The following ARHGAP22 variants were observed in gnomAD, a reference collection of about 807,000 sequenced individuals.
ARHGAP22 encodes Rho GTPase activating protein 22.
ARHGAP22 carries 48 observed loss-of-function variants against 59.1 expected under a neutral mutation model. The observed-to-expected ratio is 0.81, with a 90% CI of 0.64 to 1.03. The LOEUF (loss-of-function observed/expected upper bound fraction) is 1.03, where lower values mean the gene tolerates loss of function less well. Among genes scored for constraint, ARHGAP22 ranks in the 50% least tolerant of loss-of-function variants. The probability of loss-of-function intolerance (pLI) is 0.00; values close to 1 mark genes in which losing one functional copy is unlikely to be tolerated. For synonymous variants in ARHGAP22, 445 were observed against 416.4 expected, an observed-to-expected ratio of 1.07 and a Z score of -0.84; for missense variants, 1,015 against 958.7, an observed-to-expected ratio of 1.06 and a Z score of -0.78.
At chr10:48,444,342 C>T (rs1165695126), downstream of ARHGAP22, 1 of 152,218 alleles carries the variant, frequency 6.6e-6, no homozygotes, top group Non-Finnish European at 1.5e-5. Context: ...GACAGGTCAG[C>T]CTCTGTCACT....
At chr10:48,567,413 C>T (rs2135450567) in intron 2 of ARHGAP22, among the ~76,000 whole-genome samples, 1 of 152,300 alleles carries the variant, frequency 6.6e-6, no homozygotes, top group Non-Finnish European at 1.5e-5. Context: ...CAGCCCAGGG[C>T]TGGGTGCTGA....
chr10:48,467,646 C>G (rs1264910579), intron 4 of ARHGAP22, among the ~76,000 whole-genome samples: 1 of 152,078 alleles, frequency 6.6e-6, no homozygotes, highest in African/African-American at 2.4e-5. Flanking sequence ...TGACTTCTTT[C>G]TTTATTGAAT....
downstream of ARHGAP22, chr10:48,445,627 C>T (rs1210827057): frequency 6.6e-6 from 1 of 152,404 alleles, no homozygotes; most frequent in Non-Finnish European, 1.5e-5. Flanking sequence ...ACAGACGTTT[C>T]CCATGGCCTT....
At chr10:48,537,443 C>T (rs2055472048) in intron 3 of ARHGAP22, among the ~76,000 whole-genome samples, 1 of 152,232 alleles carries the variant, frequency 6.6e-6, no homozygotes, top group Non-Finnish European at 1.5e-5. Context: ...CCCACATGCT[C>T]CAGCTCTGCC....
At chr10:48,629,211 T>C (rs1589238100) in intron 1 of ARHGAP22, among the ~76,000 whole-genome samples, 1 of 152,132 alleles carries the variant, frequency 6.6e-6, no homozygotes, top group South Asian at 2.1e-4. Context: ...AGAGGCCTGG[T>C]CTTCTTGCCC....
At chr10:48,474,670 A>C (rs2048544257) in intron 4 of ARHGAP22, among the ~76,000 whole-genome samples, 1 of 116,384 alleles carries the variant, frequency 8.6e-6, no homozygotes, top group Non-Finnish European at 1.8e-5. Context: ...TTTAATCATT[A>C]AAGGGTGCTG....
At chr10:48,489,730 CTTTTTTTTTTTT>C (rs377099863) in intron 3 of ARHGAP22, among the ~76,000 whole-genome samples, 14 of 119,590 alleles carry the variant, frequency 1.2e-4, no homozygotes, top group Admixed American at 6.9e-4. Flanking sequence ...GAGGCTGCCT[CTTTTTTTTTTTT>C]TTTTTTTTTG....
At chr10:48,521,785 ATG>A (rs1260114452) in intron 3 of ARHGAP22, among the ~76,000 whole-genome samples, 1 of 152,222 alleles carries the variant, frequency 6.6e-6, no homozygotes, top group Non-Finnish European at 1.5e-5. Flanking sequence ...GTCCACACAT[ATG>A]TGTGCCATGA....
rs569334719 is a variant in ARHGAP22, at chr10:48,563,288, G to A, written c.235-7738C>T. ...GGCTCACTACAAGCTCCGCCTCCTG[G>A]GTTCATGCCATTCGCCTGCCTCAGC... On this transcript the variant is annotated intron_variant, in intron 2 of 9. Coordinates refer to ENST00000249601, the MANE Select transcript of ARHGAP22 (RefSeq NM_021226.4). Among the ~76,000 whole-genome samples, 58 of 144,358 alleles carry A rather than the reference G, an allele frequency of 4.0e-4. 1 individual carries two copies. The highest frequency in any genetic ancestry group is 1.4e-3 in the African/African-American group (55 of 39,054). 94.7% of individuals were successfully genotyped at this position (144,358 alleles called of 152,430 possible). A position where few individuals can be genotyped will look rare whatever the true frequency, so the allele number is the denominator to read the frequency against.
chr10:48,506,014 T>C (rs1401367556), intron 3 of ARHGAP22, among the ~76,000 whole-genome samples: 2 of 152,148 alleles, frequency 1.3e-5, no homozygotes, highest in Non-Finnish European at 2.9e-5. Context: ...CTAATTTGAT[T>C]TGGCCACCAC....
At chr10:48,483,192 T>C (rs2049500432) in intron 3 of ARHGAP22, among the ~76,000 whole-genome samples, 1 of 152,162 alleles carries the variant, frequency 6.6e-6, no homozygotes, top group Non-Finnish European at 1.5e-5. Flanking sequence ...GACACGTAGG[T>C]TGATTCCATA....
intron 1 of ARHGAP22, chr10:48,624,813 C>T (rs1021539433): frequency 6.6e-6 from 1 of 152,212 alleles, no homozygotes; most frequent in Non-Finnish European, 1.5e-5. Flanking sequence ...CACATTCCAA[C>T]CCTAAGGGCA....
intron 3 of ARHGAP22, among the ~76,000 whole-genome samples, chr10:48,498,006 G>C (rs2051116820): frequency 6.6e-6 from 1 of 152,178 alleles, no homozygotes; most frequent in African/African-American, 2.4e-5. Flanking sequence ...CTAGGGCTCT[G>C]CCTCTGTCTA....
In ARHGAP22 at chr10:48,450,799, C is replaced by T. The variant is rs34940331; in HGVS notation, c.1330G>A (p.Gly444Arg). 12 of 1,574,760 alleles carry T rather than the reference C, an allele frequency of 7.6e-6. No homozygotes were observed. The highest frequency in any genetic ancestry group is 3.6e-5 in the Admixed American group (2 of 55,710). ...GGCACCTCCAGGGATGAGCCGCCCC[C>T]CTTCGGGCTTCCCGATAGGGACCTC... ...QPRSLSGSPK[G>R]GGSSLEVPII... is the part of the protein sequence containing the mutation. Residue 444 changes from glycine (G) to arginine (R), a missense_variant, in exon 9 of 10, where the codon GGG (glycine) becomes AGG (arginine). Physicochemically the swap from Gly to Arg is moderately radical, Grantham distance 125 (BLOSUM62 -2). Coordinates refer to ENST00000249601, the MANE Select transcript of ARHGAP22 (RefSeq NM_021226.4).
rs1481301208 is a variant in ARHGAP22, at chr10:48,446,151, T to C, written c.*240A>G. 2 of 562,552 alleles carry C rather than the reference T, an allele frequency of 3.6e-6. No individual in the cohort carries two copies. The highest frequency in any genetic ancestry group is 6.3e-6 in the Non-Finnish European group (2 of 318,996). 34.8% of individuals were successfully genotyped at this position (562,552 alleles called of 1,614,324 possible). ...TATTTCCTGGGTAAGGGCTAAGCGC[T>C]ACTCTTGGTACCGTCCCCTTCTGAC... On this transcript the variant is annotated 3_prime_UTR_variant, in exon 10 of 10. Coordinates refer to ENST00000249601, the MANE Select transcript of ARHGAP22 (RefSeq NM_021226.4).
intron 3 of ARHGAP22, among the ~76,000 whole-genome samples, chr10:48,513,722 T>C (rs2053015614): frequency 6.6e-6 from 1 of 152,102 alleles, no homozygotes; most frequent in East Asian, 1.9e-4. Flanking sequence ...AATGTCTAGG[T>C]TTCAACAAAA....
At position 48,450,542 on chromosome 10, in the gene ARHGAP22, G is replaced by T; in HGVS notation, c.1587C>A (p.Cys529Ter). ...ACGAGTCGCTGGCGCGGCAGGCCGT[G>T]CAGCTGCTGAGTGAGCCCCCCACCG... ...ESSVGGSLSS[C>*]TACRASDSSA... Residue 529 changes from cysteine to a stop codon, truncating the protein, a stop_gained, in exon 9 of 10, where the codon TGC becomes TGA. Coordinates refer to ENST00000249601, the MANE Select transcript of ARHGAP22 (RefSeq NM_021226.4). LOFTEE classifies it high-confidence loss of function. The T allele has an allele frequency of 6.6e-7, 1 of 1,520,508 alleles. No individual in the cohort carries two copies. The highest frequency in any genetic ancestry group is 1.3e-5 in the South Asian group (1 of 79,578). The allele number at this position is 1,520,508 out of a possible 1,614,324, so 94.2% of individuals were successfully genotyped here. A position where few individuals can be genotyped will look rare whatever the true frequency, so the allele number is the denominator to read the frequency against.
chr10:48,650,408 T>A (rs2062513323), intron 1 of ARHGAP22, among the ~76,000 whole-genome samples: 1 of 152,116 alleles, frequency 6.6e-6, no homozygotes, highest in African/African-American at 2.4e-5. Flanking sequence ...GAACACAGAT[T>A]GATGTTTGCA....
At chr10:48,582,006 A>C (rs1049482714) in intron 2 of ARHGAP22, among the ~76,000 whole-genome samples, 1 of 152,198 alleles carries the variant, frequency 6.6e-6, no homozygotes, top group Non-Finnish European at 1.5e-5. Flanking sequence ...CACAGGGTTG[A>C]CACTTCATCC....
Sources: allele counts gnomAD v4.1 joint callset (sites outside exome capture counted in the v4.1 genomes callset), GRCh38; gene constraint gnomAD v4.1.1; transcripts MANE v1.5; gene names NCBI Gene and HGNC (gene_info 2026-07-23, HGNC 2026-07-21).